The following ATXN7L1 variants were observed in gnomAD, a reference collection of about 807,000 sequenced individuals.
ATXN7L1 encodes ataxin-7-like protein 1.
ATXN7L1 carries 15 observed loss-of-function variants against 70.8 expected under a neutral mutation model. The ratio of observed to expected loss-of-function variants is 0.21; its 90% CI spans 0.14 to 0.33. ATXN7L1 has a LOEUF of 0.33. ATXN7L1 is among the 10% of genes least tolerant of loss of function. The pLI is 1.00. For missense variants in ATXN7L1, 975 were observed against 1,097.1 expected (o/e 0.89, Z 1.57); for synonymous variants, 440 against 445.1 (o/e 0.99, Z 0.14).
chr7:105,867,944 C>A (rs1280065753), intron 2 of ATXN7L1, among the ~76,000 whole-genome samples: 12 of 152,100 alleles, frequency 7.9e-5, no homozygotes, highest in Admixed American at 7.9e-4. Context: ...CAGGACAGCG[C>A]CCCCAAAAAG....
At chr7:105,682,973 A>C (rs1229555560) in intron 3 of ATXN7L1, among the ~76,000 whole-genome samples, 1 of 152,258 alleles carries the variant, frequency 6.6e-6, no homozygotes, top group Admixed American at 6.5e-5. Flanking sequence ...AAAAGCCTGC[A>C]GAAAGTAAGA....
At chr7:105,619,427 G>A (rs1295267323) in intron 9 of ATXN7L1, among the ~76,000 whole-genome samples, 4 of 139,056 alleles carry the variant, frequency 2.9e-5, no homozygotes, top group African/African-American at 1.1e-4. Flanking sequence ...AGGATTATAG[G>A]CGTGAGCCAC....
chr7:105,776,736 T>C (rs2116453455), intron 3 of ATXN7L1, among the ~76,000 whole-genome samples: 1 of 151,966 alleles, frequency 6.6e-6, no homozygotes, highest in East Asian at 1.9e-4. Flanking sequence ...ATTGGAGGAG[T>C]GCTTCCTTCT....
chr7:105,732,444 T>A (rs934327635), intron 3 of ATXN7L1, among the ~76,000 whole-genome samples: 1 of 152,134 alleles, frequency 6.6e-6, no homozygotes, highest in Non-Finnish European at 1.5e-5. Context: ...CTAATGTATA[T>A]GAATTATGGA....
At chr7:105,690,096 C>T (rs1396418900) in intron 3 of ATXN7L1, among the ~76,000 whole-genome samples, 2 of 152,214 alleles carry the variant, frequency 1.3e-5, no homozygotes, top group Non-Finnish European at 2.9e-5. Flanking sequence ...CCTCCGCCTC[C>T]TGGGTTCAAA....
At chr7:105,815,868 C>T (rs1809112639) in intron 2 of ATXN7L1, among the ~76,000 whole-genome samples, 6 of 152,066 alleles carry the variant, frequency 3.9e-5, no homozygotes, top group Admixed American at 3.3e-4. Context: ...TGCTTGTGAG[C>T]GTTTGGCAGA....
At chr7:105,728,840 G>C (rs1349420437) in intron 3 of ATXN7L1, among the ~76,000 whole-genome samples, 1 of 152,130 alleles carries the variant, frequency 6.6e-6, no homozygotes, top group African/African-American at 2.4e-5. Context: ...AGGGACACAA[G>C]AACCACTTGA....
intron 2 of ATXN7L1, among the ~76,000 whole-genome samples, chr7:105,823,060 AT>A (rs1437678063): frequency 6.6e-6 from 1 of 152,042 alleles, no homozygotes; most frequent in Non-Finnish European, 1.5e-5. Context: ...AGTCTTAGTA[AT>A]ACTGGAGATT....
intron 4 of ATXN7L1, among the ~76,000 whole-genome samples, chr7:105,655,823 A>G (rs1448973424): frequency 6.6e-6 from 1 of 152,100 alleles, no homozygotes; most frequent in Non-Finnish European, 1.5e-5. Context: ...GGTAATTCCA[A>G]GCATTTGGAG....
intron 3 of ATXN7L1, among the ~76,000 whole-genome samples, chr7:105,762,186 G>A (rs1177477748): frequency 6.6e-6 from 1 of 152,182 alleles, no homozygotes; most frequent in Non-Finnish European, 1.5e-5. Context: ...AAATAGTGGG[G>A]TTCTTCCACC....
At chr7:105,745,741 C>G (rs979906996) in intron 3 of ATXN7L1, among the ~76,000 whole-genome samples, 1 of 152,180 alleles carries the variant, frequency 6.6e-6, no homozygotes, top group South Asian at 2.1e-4. Flanking sequence ...CCTGGAGTCC[C>G]GGTCTTACTC....
intron 3 of ATXN7L1, among the ~76,000 whole-genome samples, chr7:105,758,920 A>G (rs1042799158): frequency 2.0e-5 from 3 of 152,196 alleles, no homozygotes; most frequent in Non-Finnish European, 4.4e-5. Flanking sequence ...GGAGACAGGC[A>G]CGATTCTGTC....
At chr7:105,853,096 T>C (rs1056479056) in intron 2 of ATXN7L1, among the ~76,000 whole-genome samples, 4 of 152,162 alleles carry the variant, frequency 2.6e-5, no homozygotes, top group Non-Finnish European at 4.4e-5. Context: ...TATTGTTTAA[T>C]GGGTTTAGAG....
intron 7 of ATXN7L1, among the ~76,000 whole-genome samples, chr7:105,630,789 G>A (rs1045561105): frequency 3.9e-5 from 6 of 152,188 alleles, no homozygotes; most frequent in East Asian, 1.9e-4. Context: ...TGATAGTGGC[G>A]GAGGGAGGCT....
intron 4 of ATXN7L1, among the ~76,000 whole-genome samples, chr7:105,661,029 C>G (rs1260986895): frequency 6.6e-6 from 1 of 152,152 alleles, no homozygotes; most frequent in Non-Finnish European, 1.5e-5. Context: ...ATGTCTGTGT[C>G]TTAACTTTGT....
At chr7:105,842,829 A>G (rs944457669) in intron 2 of ATXN7L1, among the ~76,000 whole-genome samples, 4 of 152,124 alleles carry the variant, frequency 2.6e-5, no homozygotes, top group African/African-American at 9.7e-5. Flanking sequence ...AAGGGTTTCA[A>G]TTTCTCCACA....
At chr7:105,639,656 A>C in intron 5 of ATXN7L1, 87 bp from the exon 6 acceptor site, 1 of 912,036 alleles carries the variant, frequency 1.1e-6, no homozygotes, top group Non-Finnish European at 1.7e-6. Context: ...AAAAATGCAC[A>C]TTTGCACCAA....
intron 3 of ATXN7L1, 51 bp from the exon 4 acceptor site, chr7:105,665,339 G>C: frequency 7.1e-7 from 1 of 1,417,824 alleles, no homozygotes. Flanking sequence ...AGCAGGTGAG[G>C]CTCCCACACA....
intron 4 of ATXN7L1, among the ~76,000 whole-genome samples, chr7:105,664,575 G>GTGTATATATATATATATA: frequency 1.5e-5 from 2 of 131,990 alleles, no homozygotes; most frequent in Non-Finnish European, 3.3e-5. Context: ...GTATGTGTGT[G>GTGTATATATATATATATA]TATATATATA....
Sources: gnomAD v4.1 joint callset for allele counts (sites outside exome capture counted in the v4.1 genomes callset) on GRCh38, gnomAD v4.1.1 for gene constraint, MANE v1.5 for transcripts, NCBI Gene and HGNC (gene_info 2026-07-23, HGNC 2026-07-21) for gene names.